The following ADARB1 variants were observed in gnomAD, a reference collection of about 807,000 sequenced individuals.
The protein encoded by ADARB1 is double-stranded RNA-specific editase 1.
A neutral mutation model predicts 52.4 loss-of-function variants in ADARB1; 10 were observed. The ratio of observed to expected loss-of-function variants is 0.19; its 90% CI spans 0.12 to 0.32. ADARB1 has a LOEUF of 0.32. ADARB1 is among the 10% of genes least tolerant of loss of function. The pLI, the probability that ADARB1 is intolerant of heterozygous loss-of-function variation, is 1.00. For missense variants in ADARB1, 643 were observed against 922.3 expected, an observed-to-expected ratio of 0.70 and a Z score of 3.92; for synonymous variants, 349 against 371.1, an observed-to-expected ratio of 0.94 and a Z score of 0.68.
intron 9 of ADARB1, among the ~76,000 whole-genome samples, chr21:45,209,986 T>C (rs1411304991): frequency 1.3e-5 from 2 of 152,230 alleles, no homozygotes; most frequent in Non-Finnish European, 2.9e-5. Context: ...TCTGTCACCA[T>C]CTCAGGAGTG....
chr21:45,216,426 C>G (rs1343345115), intron 9 of ADARB1, among the ~76,000 whole-genome samples: 6 of 151,826 alleles, frequency 4.0e-5, no homozygotes, highest in African/African-American at 1.5e-4. Context: ...CTTTTTACTG[C>G]TTTTGTAGCA....
chr21:45,173,873 A>G (rs1167622507), intron 3 of ADARB1, among the ~76,000 whole-genome samples: 1 of 151,878 alleles, frequency 6.6e-6, no homozygotes, highest in African/African-American at 2.4e-5. Flanking sequence ...TATTTTGGAG[A>G]AATAATGTCT....
intron 7 of ADARB1, among the ~76,000 whole-genome samples, chr21:45,184,268 C>T (rs1168217920): frequency 7.9e-5 from 12 of 151,962 alleles, no homozygotes; most frequent in Admixed American, 7.9e-4. Flanking sequence ...TGGCAAACAC[C>T]CAAGTATCCA....
intron 2 of ADARB1, among the ~76,000 whole-genome samples, chr21:45,158,034 T>C (rs2090755956): frequency 6.6e-6 from 1 of 152,206 alleles, no homozygotes; most frequent in Non-Finnish European, 1.5e-5. Context: ...CTCGGGGTGA[T>C]CACTGATTGT....
intron 1 of ADARB1, among the ~76,000 whole-genome samples, chr21:45,100,328 A>G (rs75734900): frequency 0.071 from 10,813 of 152,196 alleles, 441 homozygotes; most frequent in East Asian, 0.15. Flanking sequence ...CCCGTCAGTC[A>G]CTGTTCCCAA....
rs2093010613 is a variant in ADARB1, at chr21:45,223,924, C to G, written c.*1727C>G. The G allele has an allele frequency of 1.0e-6, 1 of 985,556 alleles. No individual in the cohort carries two copies. The highest frequency in any genetic ancestry group is 4.7e-5 in the South Asian group (1 of 21,288). 61.1% of individuals were successfully genotyped at this position (985,556 alleles called of 1,614,324 possible). A position where few individuals can be genotyped will look rare whatever the true frequency, so the allele number is the denominator to read the frequency against. ...AGAACATCTGCCCCACAGCAGCCTC[C>G]TCCTCCACCGAAGAGGGTAGTTGTC... On this transcript the variant is annotated 3_prime_UTR_variant, in exon 11 of 11. Coordinates refer to ENST00000348831, the MANE Select transcript of ADARB1 (RefSeq NM_001112.4).
At chr21:45,201,369 G>A (rs950126716) in intron 8 of ADARB1, among the ~76,000 whole-genome samples, 7 of 152,286 alleles carry the variant, frequency 4.6e-5, no homozygotes, top group African/African-American at 9.6e-5. Context: ...CAAAGCATAC[G>A]TTCAGAATTA....
intron 1 of ADARB1, among the ~76,000 whole-genome samples, chr21:45,098,153 G>C (rs562663800): frequency 6.6e-6 from 1 of 152,278 alleles, no homozygotes; most frequent in East Asian, 1.9e-4. Context: ...CTGTCCAGCA[G>C]CTGGCAAGTC....
chr21:45,136,826 A>G (rs1297833885), intron 2 of ADARB1, among the ~76,000 whole-genome samples: 1 of 152,250 alleles, frequency 6.6e-6, no homozygotes, highest in Non-Finnish European at 1.5e-5. Flanking sequence ...GTGTGGAACA[A>G]GGGAGTTTGT....
intron 1 of ADARB1, among the ~76,000 whole-genome samples, chr21:45,084,254 C>T (rs1205589898): frequency 6.6e-6 from 1 of 152,234 alleles, no homozygotes; most frequent in Non-Finnish European, 1.5e-5. Context: ...AATAAATACT[C>T]ATCATAGAAC....
chr21:45,085,829 C>T (rs2086319128), intron 1 of ADARB1, among the ~76,000 whole-genome samples: 1 of 152,232 alleles, frequency 6.6e-6, no homozygotes, highest in African/African-American at 2.4e-5. Context: ...GCTGGTGTCA[C>T]ATGAACCTAA....
At position 45,101,413 on chromosome 21, in the gene ADARB1, T is replaced by G. The variant is rs188211121; in HGVS notation, c.-220+26620T>G. Among the ~76,000 whole-genome samples the G allele has an allele frequency of 9.8e-5, 15 of 152,356 alleles. No individual in the cohort carries two copies. The East Asian group carries it at 2.9e-3, about 29-fold the overall frequency. ...GGTGCAGAGGATCTCTCCAGACACC[T>G]AGGCTCCCTTCTTTCGCGGCACGTG... On this transcript the variant is annotated intron_variant, in intron 1 of 10. Coordinates refer to ENST00000348831, the MANE Select transcript of ADARB1 (RefSeq NM_001112.4).
At chr21:45,179,498 C>T (rs938859623) in intron 4 of ADARB1, among the ~76,000 whole-genome samples, 3 of 152,288 alleles carry the variant, frequency 2.0e-5, no homozygotes, top group Middle Eastern at 3.4e-3. Flanking sequence ...CCCAAAATGC[C>T]ATGGGCTCAT....
At chr21:45,119,290 C>G (rs945543774) in intron 1 of ADARB1, among the ~76,000 whole-genome samples, 1 of 152,102 alleles carries the variant, frequency 6.6e-6, no homozygotes, top group Non-Finnish European at 1.5e-5. Context: ...GGGGTCTTGC[C>G]GTGTTGCCCA....
intron 1 of ADARB1, among the ~76,000 whole-genome samples, chr21:45,092,451 A>G (rs2086596104): frequency 6.6e-6 from 1 of 152,150 alleles, no homozygotes; most frequent in Non-Finnish European, 1.5e-5. Context: ...TATTTTTTTT[A>G]TATAGTTATA....
intron 2 of ADARB1, among the ~76,000 whole-genome samples, chr21:45,159,261 C>T (rs962254198): frequency 2.6e-5 from 4 of 152,074 alleles, no homozygotes; most frequent in Admixed American, 1.3e-4. Context: ...GAGAACCAAG[C>T]GAAAGGGGAA....
chr21:45,213,261 C>G (rs1738981653), intron 9 of ADARB1, among the ~76,000 whole-genome samples: 2 of 152,032 alleles, frequency 1.3e-5, no homozygotes, highest in African/African-American at 4.8e-5. Context: ...TTGGCTGTCT[C>G]TGGGTTTTAT....
chr21:45,087,500 A>G (rs2086392527), intron 1 of ADARB1, among the ~76,000 whole-genome samples: 1 of 152,198 alleles, frequency 6.6e-6, no homozygotes, highest in South Asian at 2.1e-4. Flanking sequence ...GGGCAGAGCC[A>G]GAAACAAAAG....
chr21:45,223,868 A>G lies in ADARB1; in HGVS notation c.*1671A>G, dbSNP rs1333080601. 1 of 985,272 alleles carries G rather than the reference A, an allele frequency of 1.0e-6. No individual in the cohort carries two copies. The highest frequency in any genetic ancestry group is 1.2e-6 in the Non-Finnish European group (1 of 829,996). The allele number at this position is 985,272 out of a possible 1,614,324, so 61.0% of individuals were successfully genotyped here. ...CAGGAAGGGGTGCTGCTTAGGGCTC[A>G]TTGTTGGGGACATGACCGGGTTCAG... On this transcript the variant is annotated 3_prime_UTR_variant, in exon 11 of 11. Transcript: ENST00000348831.
Sources: allele counts gnomAD v4.1 joint callset (sites outside exome capture counted in the v4.1 genomes callset), GRCh38; gene constraint gnomAD v4.1.1; transcripts MANE v1.5; gene names NCBI Gene and HGNC (gene_info 2026-07-23, HGNC 2026-07-21).